The following FARP1 variants were observed in gnomAD, a reference collection of about 807,000 sequenced individuals.
FARP1 encodes FERM, ARHGEF and pleckstrin domain-containing protein 1.
A neutral mutation model predicts 128.8 loss-of-function variants in FARP1; 52 were observed. The ratio of observed to expected loss-of-function variants is 0.40; its 90% CI spans 0.32 to 0.51. The LOEUF (loss-of-function observed/expected upper bound fraction) is 0.51, where lower values mean the gene tolerates loss of function less well. Ranked by LOEUF, FARP1 falls within the 20% of genes least tolerant of loss-of-function variation. FARP1 has a pLI of 0.45. For synonymous variants in FARP1, 580 were observed against 551.8 expected, an observed-to-expected ratio of 1.05 and a Z score of -0.72; for missense variants, 1,333 against 1,367.9, an observed-to-expected ratio of 0.97 and a Z score of 0.40.
At position 98,287,668 on chromosome 13, in the gene FARP1, A is replaced by G. The variant is rs12430999; in HGVS notation, c.172-56094A>G. 5.0e-3 allele frequency among the ~76,000 whole-genome samples: 755 copies of G among 152,160 alleles called. 21 individuals are homozygous for G. The highest frequency in any genetic ancestry group is 0.043 in the Admixed American group (656 of 15,284). On this transcript the variant is annotated intron_variant, in intron 2 of 26. Coordinates refer to ENST00000319562, the MANE Select transcript of FARP1 (RefSeq NM_005766.4). ...CAACATATTGAATTTCCTAAGCTACAGTTGATTTCAATTTTCTTTAGCTCA... is the reference window on the plus strand; with the variant it reads ...CAACATATTGAATTTCCTAAGCTACGGTTGATTTCAATTTTCTTTAGCTCA...
intron 17 of FARP1, among the ~76,000 whole-genome samples, chr13:98,428,598 C>T (rs1891877648): frequency 6.6e-6 from 1 of 152,204 alleles, no homozygotes. Flanking sequence ...AGTCCAAACT[C>T]TAAACCTAGT....
intron 3 of FARP1, among the ~76,000 whole-genome samples, chr13:98,347,717 T>C (rs1888239553): frequency 6.6e-6 from 1 of 152,206 alleles, no homozygotes; most frequent in African/African-American, 2.4e-5. Flanking sequence ...GCCATCACTA[T>C]TATTTTTTAA....
At chr13:98,218,117 C>T (rs546667473) in intron 2 of FARP1, among the ~76,000 whole-genome samples, 4 of 152,090 alleles carry the variant, frequency 2.6e-5, no homozygotes, top group East Asian at 1.9e-4. Flanking sequence ...CAGCTTGGCC[C>T]GGCCCTCCCC....
chr13:98,284,888 C>T (rs531191229), intron 2 of FARP1, among the ~76,000 whole-genome samples: 9 of 152,260 alleles, frequency 5.9e-5, no homozygotes, highest in Non-Finnish European at 7.4e-5. Context: ...CTTGCTAGTT[C>T]TCTGTGTACG....
At chr13:98,393,166 C>T (rs1890377466) in intron 11 of FARP1, among the ~76,000 whole-genome samples, 1 of 152,188 alleles carries the variant, frequency 6.6e-6, no homozygotes, top group Admixed American at 6.5e-5. Flanking sequence ...CAGGCCTTTT[C>T]CTCTGAACTT....
intron 1 of FARP1, among the ~76,000 whole-genome samples, chr13:98,209,219 A>G (rs1430445529): frequency 1.3e-5 from 2 of 152,096 alleles, no homozygotes; most frequent in African/African-American, 4.8e-5. Context: ...CGTGTTGTCC[A>G]GGATGGTCTC....
At chr13:98,223,244 C>T (rs1423153287) in intron 2 of FARP1, among the ~76,000 whole-genome samples, 1 of 152,210 alleles carries the variant, frequency 6.6e-6, no homozygotes, top group Middle Eastern at 3.2e-3. Context: ...AACTCTGTGA[C>T]AAATGTTTTA....
rs778057170 is a variant in FARP1, at chr13:98,453,091, G to A, written c.*4774G>A. 42 of 1,549,270 alleles carry A rather than the reference G, an allele frequency of 2.7e-5. No individual in the cohort carries two copies. In the East Asian group the frequency reaches 5.2e-4, roughly 19 times the overall value. On this transcript the variant is annotated 3_prime_UTR_variant, in exon 27 of 27. Coordinates refer to ENST00000319562, the MANE Select transcript of FARP1 (RefSeq NM_005766.4). ...GGCGCACCTCTTCGGTGGAGTCAGC[G>A]AAGGCTCTCGTTGACTTTTAAAAAA...
chr13:98,394,995 C>A (rs1202016351), intron 12 of FARP1, among the ~76,000 whole-genome samples: 1 of 152,128 alleles, frequency 6.6e-6, no homozygotes, highest in South Asian at 2.1e-4. Context: ...GAGACCGGGC[C>A]GGGCTTGTGC....
intron 1 of FARP1, among the ~76,000 whole-genome samples, chr13:98,202,006 T>G (rs1210301199): frequency 6.6e-6 from 1 of 152,252 alleles, no homozygotes. Flanking sequence ...GCTCACAGAC[T>G]TTTTGGAAAT....
intron 1 of FARP1, among the ~76,000 whole-genome samples, chr13:98,188,515 C>G (rs909051846): frequency 8.5e-5 from 13 of 152,074 alleles, no homozygotes; most frequent in African/African-American, 3.1e-4. Flanking sequence ...GAGCCGAGAT[C>G]ATGCCATTAC....
At chr13:98,448,145 C>T (rs1892973230) in intron 26 of FARP1, 91 bp from the exon 27 acceptor site, 1 of 1,133,654 alleles carries the variant, frequency 8.8e-7, no homozygotes, top group Admixed American at 1.7e-5. Context: ...GGCGGCCTGA[C>T]TTCACCTTGT....
intron 3 of FARP1, among the ~76,000 whole-genome samples, chr13:98,361,055 C>T (rs1445009220): frequency 6.6e-6 from 1 of 152,182 alleles, no homozygotes; most frequent in African/African-American, 2.4e-5. Context: ...TCCCTGTGAC[C>T]CTCGCTGCAT....
At chr13:98,177,344 G>T in intron 1 of FARP1, 1 of 902,742 alleles carries the variant, frequency 1.1e-6, no homozygotes, top group Non-Finnish European at 1.6e-6. Context: ...GCAAAAGCAA[G>T]TGAAAGAAAA....
intron 1 of FARP1, among the ~76,000 whole-genome samples, chr13:98,194,563 C>A (rs1370284501): frequency 6.6e-6 from 1 of 152,180 alleles, no homozygotes; most frequent in African/African-American, 2.4e-5. Context: ...AAAATTGCAA[C>A]CTCAGGCATA....
chr13:98,408,322 C>CTTTTTTTTT (rs34532263), intron 13 of FARP1, among the ~76,000 whole-genome samples: 2 of 90,146 alleles, frequency 2.2e-5, no homozygotes, highest in Non-Finnish European at 4.1e-5. Context: ...GTAATATATA[C>CTTTTTTTTT]TTTTTTTTTT....
intron 1 of FARP1, among the ~76,000 whole-genome samples, chr13:98,180,260 C>G (rs75868314): frequency 1.8e-4 from 27 of 152,054 alleles, no homozygotes; most frequent in Admixed American, 1.8e-3. Flanking sequence ...GGCTGTGTCA[C>G]ATGGCAAGAG....
Position 98,384,811 on chromosome 13 carries a change from A to T in FARP1, c.578A>T (p.Glu193Val), listed in dbSNP as rs376561024. ...TACATACCTCAGCAAGACGCACTAGAGGACAAAATCGTGGAATTTCACCAT... is the reference window on the plus strand; with the variant it reads ...TACATACCTCAGCAAGACGCACTAGTGGACAAAATCGTGGAATTTCACCAT... ...NKYIPQQDAL[E>V]DKIVEFHHNH... The change falls in exon 7 of 27, where the codon GAG becomes GTG. Residue 193 changes from glutamate to valine, a missense_variant. Glu to Val is a moderately radical substitution (Grantham distance 121, BLOSUM62 -2). Around this residue, in one of 2 missense-constraint regions of FARP1, gnomAD observed 324 missense variants for 398.1 expected, o/e 0.81. Coordinates refer to ENST00000319562, the MANE Select transcript of FARP1 (RefSeq NM_005766.4). 2 of 1,613,238 alleles carry T rather than the reference A, an allele frequency of 1.2e-6. No homozygotes were observed. The highest frequency in any genetic ancestry group is 2.7e-5 in the African/African-American group (2 of 74,914).
intron 2 of FARP1, among the ~76,000 whole-genome samples, chr13:98,285,064 G>A (rs1320465352): frequency 2.6e-5 from 4 of 152,164 alleles, no homozygotes; most frequent in Non-Finnish European, 5.9e-5. Context: ...TTTCCAAAAG[G>A]TGCGAGTATT....
Sources: allele counts gnomAD v4.1 joint callset (sites outside exome capture counted in the v4.1 genomes callset), GRCh38; gene constraint gnomAD v4.1.1; regional missense constraint gnomAD v4.1.1; transcripts MANE v1.5; gene names NCBI Gene and HGNC (gene_info 2026-07-23, HGNC 2026-07-21).